ANKIB1: variants seen among roughly 807,000 people sequenced by gnomAD.
The protein encoded by ANKIB1 is ankyrin repeat and IBR domain containing 1.
ANKIB1 carries 43 observed loss-of-function variants against 122.1 expected under a neutral mutation model. That is an observed-to-expected ratio of 0.35 (90% CI 0.28 to 0.45). The LOEUF is 0.45. ANKIB1 is among the 20% of genes least tolerant of loss of function. ANKIB1 has a pLI of 1.00. For missense variants in ANKIB1, 992 were observed against 1,329.5 expected (o/e 0.75, Z 3.95); for synonymous variants, 390 against 442.0 (o/e 0.88, Z 1.48).
At chr7:92,368,885 G>A (rs1045947670) in intron 10 of ANKIB1, among the ~76,000 whole-genome samples, 1 of 152,172 alleles carries the variant, frequency 6.6e-6, no homozygotes, top group Non-Finnish European at 1.5e-5. Flanking sequence ...GCAGTTAGGA[G>A]ATCACATTCT....
intron 7 of ANKIB1, among the ~76,000 whole-genome samples, chr7:92,345,341 T>C (rs559805498): frequency 6.6e-6 from 1 of 152,362 alleles, no homozygotes; most frequent in African/African-American, 2.4e-5. Flanking sequence ...TTTTAGTTTA[T>C]ATTACATCTA....
chr7:92,348,067 G>A (rs1337762886), intron 7 of ANKIB1: 3 of 391,826 alleles, frequency 7.7e-6, no homozygotes, highest in Admixed American at 3.5e-5. Context: ...TCAACTCCAT[G>A]TTCTGCTCAT....
intron 11 of ANKIB1, among the ~76,000 whole-genome samples, chr7:92,385,979 A>T (rs1804633857): frequency 6.6e-6 from 1 of 152,238 alleles, no homozygotes; most frequent in South Asian, 2.1e-4. Flanking sequence ...AGCATAAGAA[A>T]GGATGTATTT....
Position 92,381,471 on chromosome 7 carries a change from A to G in ANKIB1, c.1618-5038A>G, listed in dbSNP as rs545933005. Among the ~76,000 whole-genome samples, 13 of 152,348 alleles carry G rather than the reference A, an allele frequency of 8.5e-5. No individual in the cohort carries two copies. The East Asian group carries it at 2.5e-3, about 29-fold the overall frequency. ...CACCAATGTTGAAATGGAGGAAAAA[A>G]TGCTAAGGGCAGCCAGAGAGAAAGG... On this transcript the variant is annotated intron_variant, in intron 11 of 19. Coordinates refer to ENST00000265742, the MANE Select transcript of ANKIB1 (RefSeq NM_019004.2).
At chr7:92,251,050 A>G (rs1480566149) in intron 1 of ANKIB1, among the ~76,000 whole-genome samples, 2 of 152,224 alleles carry the variant, frequency 1.3e-5, no homozygotes, top group East Asian at 1.9e-4. Context: ...AGTCTGACAT[A>G]TAATTTTAAC....
intron 1 of ANKIB1, among the ~76,000 whole-genome samples, chr7:92,284,852 T>C (rs1348140814): frequency 6.6e-6 from 1 of 152,258 alleles, no homozygotes; most frequent in African/African-American, 2.4e-5. Flanking sequence ...TGGAATGGCC[T>C]TTCTATTCAT....
At chr7:92,270,148 G>A (rs1287020949) in intron 1 of ANKIB1, among the ~76,000 whole-genome samples, 2 of 152,016 alleles carry the variant, frequency 1.3e-5, no homozygotes, top group Admixed American at 1.3e-4. Flanking sequence ...CTACAGCCTC[G>A]ACTTCCTGGG....
chr7:92,395,647 T>G (rs760207388), intron 17 of ANKIB1, among the ~76,000 whole-genome samples: 5 of 150,724 alleles, frequency 3.3e-5, no homozygotes, highest in Admixed American at 1.3e-4. Context: ...CAAGTGATTC[T>G]CCTGCCTCAG....
chr7:92,388,996 C>T (rs975311616), intron 14 of ANKIB1, among the ~76,000 whole-genome samples: 2 of 152,154 alleles, frequency 1.3e-5, no homozygotes, highest in African/African-American at 4.8e-5. Flanking sequence ...AGCTCTTCAG[C>T]AGGGATTTTT....
At chr7:92,338,926 AAAAAAAAATATATAT>A (rs1803358996) in intron 5 of ANKIB1, among the ~76,000 whole-genome samples, 1 of 58,820 alleles carries the variant, frequency 1.7e-5, no homozygotes, top group African/African-American at 6.5e-5. Flanking sequence ...AAAAAAAAAA[AAAAAAAAATATATAT>A]ATATATATAT....
At chr7:92,358,767 G>A (rs199898584) in intron 9 of ANKIB1, among the ~76,000 whole-genome samples, 1 of 124,844 alleles carries the variant, frequency 8.0e-6, no homozygotes, top group African/African-American at 2.7e-5. Flanking sequence ...GATTGCATTT[G>A]TTTGTTTTAG....
chr7:92,396,244 AT>A, intron 17 of ANKIB1, 120 bp from the exon 18 acceptor site: 1 of 652,314 alleles, frequency 1.5e-6, no homozygotes, highest in South Asian at 1.7e-5. Flanking sequence ...CAGCCAAGTG[AT>A]TTTATAAGAT....
chr7:92,265,404 GA>G (rs369244282), intron 1 of ANKIB1, among the ~76,000 whole-genome samples: 2 of 149,886 alleles, frequency 1.3e-5, no homozygotes, highest in Admixed American at 6.6e-5. Context: ...GGTTAAAAGA[GA>G]AAAAAAAAGA....
chr7:92,333,642 G>A (rs1803225640), intron 5 of ANKIB1, among the ~76,000 whole-genome samples: 1 of 152,200 alleles, frequency 6.6e-6, no homozygotes. Context: ...TAAGTTCCAT[G>A]GAGACAGGAA....
chr7:92,352,999 T>C (rs1803698365), intron 9 of ANKIB1, among the ~76,000 whole-genome samples: 1 of 152,196 alleles, frequency 6.6e-6, no homozygotes, highest in South Asian at 2.1e-4. Flanking sequence ...AAAGCCCATG[T>C]GCCTAAACTA....
intron 5 of ANKIB1, among the ~76,000 whole-genome samples, chr7:92,342,406 T>C (rs1803457973): frequency 6.6e-6 from 1 of 152,230 alleles, no homozygotes; most frequent in Non-Finnish European, 1.5e-5. Flanking sequence ...TAGTATGTTT[T>C]ACTTGGCAAT....
intron 16 of ANKIB1, 61 bp downstream of exon 16, chr7:92,391,405 G>GTT: frequency 7.3e-7 from 1 of 1,366,818 alleles, no homozygotes; most frequent in Non-Finnish European, 9.6e-7. Context: ...CAGCAGTTTT[G>GTT]TTTTTTATCC....
chr7:92,381,388 G>C (rs1804511146), intron 11 of ANKIB1, among the ~76,000 whole-genome samples: 1 of 152,068 alleles, frequency 6.6e-6, no homozygotes. Context: ...GAAACACAGA[G>C]AACACCACAA....
intron 2 of ANKIB1, among the ~76,000 whole-genome samples, chr7:92,299,483 A>G (rs1378804789): frequency 6.6e-6 from 1 of 152,220 alleles, no homozygotes. Flanking sequence ...TTTTTGGTAT[A>G]GTATCAAATA....
Sources: gnomAD v4.1 joint callset for allele counts (sites outside exome capture counted in the v4.1 genomes callset) on GRCh38, gnomAD v4.1.1 for gene constraint, MANE v1.5 for transcripts, NCBI Gene and HGNC (gene_info 2026-07-23, HGNC 2026-07-21) for gene names.